Variants in NALF1 observed in about 807,000 individuals in gnomAD.
NALF1 encodes the protein family with sequence similarity 155 member A.
In NALF1, 3 loss-of-function variants were observed where a neutral mutation model predicts 48.4. The observed-to-expected ratio is 0.06, with a 90% CI of 0.03 to 0.16. The LOEUF (loss-of-function observed/expected upper bound fraction) is 0.16, where lower values mean the gene tolerates loss of function less well. Ranked by LOEUF, NALF1 falls within the 10% of genes least tolerant of loss-of-function variation. The pLI, the probability that NALF1 is intolerant of heterozygous loss-of-function variation, is 1.00. For missense variants in NALF1, 526 were observed against 571.5 expected (o/e 0.92, Z 0.81); for synonymous variants, 262 against 245.7 (o/e 1.07, Z -0.62).
chr13:107,279,349 G>T (rs113164210), intron 1 of NALF1, among the ~76,000 whole-genome samples: 4 of 151,934 alleles, frequency 2.6e-5, no homozygotes, highest in African/African-American at 9.7e-5. Context: ...TCTGCCACCC[G>T]GGTTCAAGCA....
intron 1 of NALF1, among the ~76,000 whole-genome samples, chr13:107,526,106 G>C (rs1876427225): frequency 6.6e-6 from 1 of 152,008 alleles, no homozygotes; most frequent in African/African-American, 2.4e-5. Context: ...CCCCTAAGTT[G>C]ATGGTTTGTC....
chr13:107,419,158 G>C (rs1014656374), intron 1 of NALF1, among the ~76,000 whole-genome samples: 8 of 152,114 alleles, frequency 5.3e-5, no homozygotes, highest in African/African-American at 1.9e-4. Flanking sequence ...TTCTTCACAG[G>C]AATCTACAGT....
intron 1 of NALF1, among the ~76,000 whole-genome samples, chr13:107,675,611 T>A (rs1353204655): frequency 1.3e-5 from 2 of 152,208 alleles, no homozygotes; most frequent in African/African-American, 2.4e-5. Context: ...CATGCTGGCA[T>A]TAACTAGGCT....
chr13:107,215,750 G>A (rs1330605823), intron 1 of NALF1, among the ~76,000 whole-genome samples: 3 of 152,094 alleles, frequency 2.0e-5, no homozygotes, highest in Non-Finnish European at 4.4e-5. Flanking sequence ...GTGCTTGTGT[G>A]GTGTCCTCAT....
chr13:107,528,247 G>A (rs74455939), intron 1 of NALF1, among the ~76,000 whole-genome samples: 1,877 of 151,848 alleles, frequency 0.012, 22 homozygotes, highest in Middle Eastern at 0.038. Context: ...TCCACAATGG[G>A]GCCAATATGT....
intron 1 of NALF1, among the ~76,000 whole-genome samples, chr13:107,797,237 G>T (rs548723808): frequency 1.3e-5 from 2 of 151,908 alleles, no homozygotes; most frequent in Non-Finnish European, 2.9e-5. Context: ...ACGGAGTCTC[G>T]CTCTGTCACC....
At chr13:107,427,459 T>TC (rs796637397) in intron 1 of NALF1, among the ~76,000 whole-genome samples, 1 of 135,406 alleles carries the variant, frequency 7.4e-6, no homozygotes, top group Non-Finnish European at 1.6e-5. Context: ...ATTTTCATTT[T>TC]ATTTTATTTC....
intron 1 of NALF1, among the ~76,000 whole-genome samples, chr13:107,537,234 A>T (rs937417779): frequency 4.7e-4 from 71 of 151,950 alleles, no homozygotes; most frequent in African/African-American, 1.6e-3. Flanking sequence ...TATAATTTTT[A>T]AAAAGTTAAA....
chr13:107,183,165 T>C (rs550191371), intron 2 of NALF1, among the ~76,000 whole-genome samples: 40 of 152,240 alleles, frequency 2.6e-4, no homozygotes, highest in South Asian at 6.2e-4. Context: ...AAGACTGGAA[T>C]TGTGGATTTG....
intron 1 of NALF1, among the ~76,000 whole-genome samples, chr13:107,341,815 C>A (rs573880492): frequency 1.7e-4 from 26 of 151,112 alleles, no homozygotes; most frequent in Non-Finnish European, 3.4e-4. Context: ...CAACATTACC[C>A]AGGGTAGTAG....
At chr13:107,651,170 T>C (rs1027381761) in intron 1 of NALF1, among the ~76,000 whole-genome samples, 1 of 152,240 alleles carries the variant, frequency 6.6e-6, no homozygotes, top group Admixed American at 6.5e-5. Context: ...GCCTGCTTCA[T>C]ATGTGGAGAG....
intron 1 of NALF1, among the ~76,000 whole-genome samples, chr13:107,673,572 G>T (rs1157283121): frequency 2.0e-5 from 3 of 152,150 alleles, no homozygotes; most frequent in East Asian, 1.9e-4. Context: ...CTTTGTTAAA[G>T]GATGCGCAAC....
chr13:107,253,119 A>G (rs1880736703), intron 1 of NALF1, among the ~76,000 whole-genome samples: 1 of 152,170 alleles, frequency 6.6e-6, no homozygotes, highest in South Asian at 2.1e-4. Context: ...TTTTACAAAA[A>G]GCAAATTTGA....
intron 1 of NALF1, among the ~76,000 whole-genome samples, chr13:107,753,437 T>C (rs1421234126): frequency 6.6e-6 from 1 of 152,002 alleles, no homozygotes; most frequent in Non-Finnish European, 1.5e-5. Context: ...TTCTTTGTTG[T>C]TGTTGTTGTT....
intron 1 of NALF1, among the ~76,000 whole-genome samples, chr13:107,236,736 TCATCTAC>T (rs1397802885): frequency 6.9e-6 from 1 of 143,930 alleles, no homozygotes; most frequent in African/African-American, 2.6e-5. Context: ...TATCTATCTA[TCATCTAC>T]AGTCATCCCT....
chr13:107,233,859 G>T (rs1191780980), intron 1 of NALF1, among the ~76,000 whole-genome samples: 2 of 152,122 alleles, frequency 1.3e-5, no homozygotes, highest in East Asian at 3.9e-4. Context: ...TTACATCACT[G>T]ATCAAATAAT....
chr13:107,308,893 C>T (rs1215383704), intron 1 of NALF1, among the ~76,000 whole-genome samples: 3 of 152,224 alleles, frequency 2.0e-5, no homozygotes, highest in Non-Finnish European at 4.4e-5. Context: ...GCCTTAGCAG[C>T]CTCTTCAGGC....
chr13:107,563,002 G>C (rs746188089), intron 1 of NALF1, among the ~76,000 whole-genome samples: 1 of 152,184 alleles, frequency 6.6e-6, no homozygotes, highest in Non-Finnish European at 1.5e-5. Flanking sequence ...AGGTTGGAAG[G>C]CTTCTTCAGA....
intron 2 of NALF1, among the ~76,000 whole-genome samples, chr13:107,190,336 T>C (rs549814238): frequency 3.9e-5 from 6 of 152,328 alleles, no homozygotes; most frequent in African/African-American, 1.4e-4. Context: ...TTCTGTGTAA[T>C]GACAGAATGC....
Sources: gnomAD v4.1 joint callset for allele counts (sites outside exome capture counted in the v4.1 genomes callset) on GRCh38, gnomAD v4.1.1 for gene constraint, MANE v1.5 for transcripts, NCBI Gene and HGNC (gene_info 2026-07-23, HGNC 2026-07-21) for gene names.